The following CECR2 variants were observed in gnomAD, a reference collection of about 807,000 sequenced individuals.
CECR2 encodes CECR2 histone acetyl-lysine reader.
Under a neutral mutation model 154.5 loss-of-function variants are expected in CECR2, and 30 were observed. The observed-to-expected ratio is 0.19, with a 90% CI of 0.15 to 0.26. The LOEUF (loss-of-function observed/expected upper bound fraction) is 0.26, where lower values mean the gene tolerates loss of function less well. CECR2 is among the 10% of genes least tolerant of loss of function. The pLI is 1.00. For synonymous variants in CECR2, 725 were observed against 683.7 expected, an observed-to-expected ratio of 1.06 and a Z score of -0.94; for missense variants, 1,743 against 1,829.3, an observed-to-expected ratio of 0.95 and a Z score of 0.86.
chr22:17,474,776 C>T (rs948065377), intron 1 of CECR2, among the ~76,000 whole-genome samples: 1 of 152,186 alleles, frequency 6.6e-6, no homozygotes, highest in Non-Finnish European at 1.5e-5. Flanking sequence ...TATGCAGTCA[C>T]CTCCTTGAAA....
At position 17,445,284 on chromosome 22, in the gene CECR2, G is replaced by A. The variant is rs188482079; in HGVS notation, c.127-32304G>A. Among the ~76,000 whole-genome samples the A allele has an allele frequency of 5.6e-3, 858 of 152,180 alleles. 25 individuals are homozygous for A. The highest frequency in any genetic ancestry group is 0.052 in the Admixed American group (791 of 15,266). On this transcript the variant is annotated intron_variant, in intron 1 of 18. Coordinates refer to ENST00000262608, the MANE Select transcript of CECR2 (RefSeq NM_001290047.2). ...GCACTTTGGGAGGCTGAGGTCAGAG[G>A]ATTGCTTGAGGCCAGGAGACCAGTC...
chr22:17,498,933 G>A (rs901719697), intron 3 of CECR2, among the ~76,000 whole-genome samples: 7 of 152,078 alleles, frequency 4.6e-5, no homozygotes, highest in South Asian at 2.1e-4. Context: ...CATTATATCC[G>A]TGTTTCTTAT....
Position 17,541,821 on chromosome 22 carries a change from T to G in CECR2, c.1885-18T>G. On this transcript the variant is annotated intron_variant, in intron 14 of 18. Coordinates refer to ENST00000262608, the MANE Select transcript of CECR2 (RefSeq NM_001290047.2). ...GCCTTTCCTTTTTCCTCTTCTTGCT[T>G]TGTTCAATGTGCTGCAGAGGCCAGC... is the stretch of plus-strand genomic sequence containing the variant. 1 of 1,594,878 alleles carries G rather than the reference T, an allele frequency of 6.3e-7. No individual in the cohort carries two copies.
At position 17,414,120 on chromosome 22, in the gene CECR2, C is replaced by T. The variant is rs564772860; in HGVS notation, c.126+44211C>T. ...TCTGAGTAGCTGGGACTACAGGTGCCTGCCACCACGCCTGGCTAATTTTTT... is the reference window on the plus strand; with the variant it reads ...TCTGAGTAGCTGGGACTACAGGTGCTTGCCACCACGCCTGGCTAATTTTTT... On this transcript the variant is annotated intron_variant, in intron 1 of 18. Transcript: ENST00000262608. Among the ~76,000 whole-genome samples, 36 of 152,044 alleles carry T rather than the reference C, an allele frequency of 2.4e-4. 1 individual carries two copies. The highest frequency in any genetic ancestry group is 1.6e-3 in the Admixed American group (24 of 15,254).
chr22:17,370,729 C>T (rs1022835163), intron 1 of CECR2, among the ~76,000 whole-genome samples: 16 of 152,060 alleles, frequency 1.1e-4, no homozygotes, highest in African/African-American at 3.6e-4. Context: ...TCCTGGAGCG[C>T]GGCGGGTGGC....
chr22:17,392,466 C>T (rs1412064750), intron 1 of CECR2, among the ~76,000 whole-genome samples: 2 of 151,574 alleles, frequency 1.3e-5, no homozygotes, highest in Non-Finnish European at 2.9e-5. Context: ...CCAGCCTGGG[C>T]GACAGTGAGA....
intron 1 of CECR2, among the ~76,000 whole-genome samples, chr22:17,429,112 G>C (rs1357126047): frequency 6.6e-6 from 1 of 152,088 alleles, no homozygotes; most frequent in African/African-American, 2.4e-5. Context: ...GGATTGGTGG[G>C]ATAGGGGAGA....
At chr22:17,496,497 C>T (rs1375463471) in intron 2 of CECR2, among the ~76,000 whole-genome samples, 2 of 147,824 alleles carry the variant, frequency 1.4e-5, no homozygotes, top group Non-Finnish European at 3.0e-5. Flanking sequence ...GAGACTCTGT[C>T]TCAAAAAAAA....
At chr22:17,513,075 T>A (rs930189071) in intron 8 of CECR2, among the ~76,000 whole-genome samples, 2 of 152,122 alleles carry the variant, frequency 1.3e-5, no homozygotes, top group Non-Finnish European at 1.5e-5. Flanking sequence ...TGGAGCTGAC[T>A]GTGTTTCGGC....
intron 1 of CECR2, among the ~76,000 whole-genome samples, chr22:17,445,617 C>T (rs1203198944): frequency 1.3e-5 from 2 of 150,490 alleles, no homozygotes; most frequent in Admixed American, 6.6e-5. Context: ...CACCCTGTCG[C>T]CCAGGCTGGA....
intron 16 of CECR2, among the ~76,000 whole-genome samples, chr22:17,547,481 C>G (rs188728930): frequency 2.8e-3 from 419 of 152,276 alleles, no homozygotes; most frequent in African/African-American, 9.3e-3. Context: ...CTGCCCGCCT[C>G]GGCCTCCCAA....
intron 8 of CECR2, among the ~76,000 whole-genome samples, chr22:17,518,160 C>T (rs918995611): frequency 6.6e-6 from 1 of 152,118 alleles, no homozygotes; most frequent in Non-Finnish European, 1.5e-5. Context: ...AGAAGTTTTT[C>T]CAGCAAAGAG....
chr22:17,552,773 A>ATTTTTTTTT, intron 18 of CECR2, 62 bp from the exon 19 acceptor site: 8 of 395,738 alleles, frequency 2.0e-5, no homozygotes, highest in African/African-American at 6.6e-5. Context: ...GGCTTACTTA[A>ATTTTTTTTT]GTTTTTTTTT....
At chr22:17,538,187 C>T (rs2056466229) in intron 10 of CECR2, among the ~76,000 whole-genome samples, 1 of 152,140 alleles carries the variant, frequency 6.6e-6, no homozygotes, top group Non-Finnish European at 1.5e-5. Context: ...CACTTCACTC[C>T]AGCCTAGGCA....
At chr22:17,404,364 C>CCTTTTTTTTTTTTTTTTTT (rs781954770) in intron 1 of CECR2, among the ~76,000 whole-genome samples, 1 of 59,608 alleles carries the variant, frequency 1.7e-5, no homozygotes, top group African/African-American at 7.5e-5. Flanking sequence ...GGACCCTGTT[C>CCTTTTTTTTTTTTTTTTTT]TTTCTTTTTT....
chr22:17,397,521 G>A (rs1263924410), intron 1 of CECR2, among the ~76,000 whole-genome samples: 9 of 151,450 alleles, frequency 5.9e-5, no homozygotes, highest in Non-Finnish European at 8.8e-5. Context: ...TTTTTAAGAC[G>A]GAGTCTCACT....
At chr22:17,414,898 C>A (rs1342815596) in intron 1 of CECR2, among the ~76,000 whole-genome samples, 3 of 152,164 alleles carry the variant, frequency 2.0e-5, no homozygotes. Flanking sequence ...TGTTTGGGGG[C>A]ATGCTTACAT....
intron 4 of CECR2, 91 bp downstream of exon 4, chr22:17,499,640 TC>T: frequency 7.4e-7 from 1 of 1,347,244 alleles, no homozygotes; most frequent in Non-Finnish European, 9.9e-7. Flanking sequence ...AATTTTTTTT[TC>T]CTAATGAAGG....
At chr22:17,465,763 G>T (rs1037284948) in intron 1 of CECR2, among the ~76,000 whole-genome samples, 1 of 152,104 alleles carries the variant, frequency 6.6e-6, no homozygotes, top group African/African-American at 2.4e-5. Context: ...GATTACAGGC[G>T]TGAGCCATCA....
Sources: gnomAD v4.1 joint callset for allele counts (sites outside exome capture counted in the v4.1 genomes callset) on GRCh38, gnomAD v4.1.1 for gene constraint, MANE v1.5 for transcripts, NCBI Gene and HGNC (gene_info 2026-07-23, HGNC 2026-07-21) for gene names.